Variants in PCNX4 observed in about 807,000 individuals in gnomAD.
PCNX4 encodes the protein pecanex 4, also known as pecanex-like protein 4.
In PCNX4, 103 loss-of-function variants were observed where a neutral mutation model predicts 107.2. The observed-to-expected ratio is 0.96, with a 90% CI of 0.82 to 1.13. PCNX4 has a LOEUF of 1.13. PCNX4 is among the 50% of genes most tolerant of loss of function. PCNX4 has a pLI of 0.00. For synonymous variants in PCNX4, 541 were observed against 481.7 expected (o/e 1.12, Z -1.61); for missense variants, 1,528 against 1,379.4 (o/e 1.11, Z -1.71).
At chr14:60,100,527 G>A (rs1009523676) in intron 1 of PCNX4, among the ~76,000 whole-genome samples, 5 of 152,154 alleles carry the variant, frequency 3.3e-5, no homozygotes, top group African/African-American at 7.2e-5. Context: ...TTGAACTCCC[G>A]ACCTCAGGTG....
rs1371809817 is a variant in PCNX4 at position 60,124,245 on chromosome 14, C to T, written c.2074C>T (p.His692Tyr). ...KGLELQETSC[H>Y]TAEARRVDEV... ...GTTAGAATTGCAGGAAACATCCTGT[C>T]ATACTGCAGAAGCTCGCAGAGTTGA... Residue 692 changes from histidine to tyrosine, a missense_variant, in exon 9 of 11, where the codon CAT becomes TAT. Coordinates refer to ENST00000406854, the MANE Select transcript of PCNX4 (RefSeq NM_001330177.2). 1.9e-6 allele frequency: 3 copies of T among 1,595,784 alleles called. No individual in the cohort carries two copies. Among genetic ancestry groups the T allele is most frequent in the East Asian group, 2.2e-5 (1 of 44,478 alleles).
chr14:60,117,935 T>C (rs931219718), intron 6 of PCNX4, among the ~76,000 whole-genome samples: 3 of 152,224 alleles, frequency 2.0e-5, no homozygotes, highest in African/African-American at 4.8e-5. Flanking sequence ...TGGGTAGTTT[T>C]TAAATTATTC....
At chr14:60,123,454 A>G (rs1438526251) in intron 8 of PCNX4, among the ~76,000 whole-genome samples, 3 of 152,156 alleles carry the variant, frequency 2.0e-5, no homozygotes, top group Non-Finnish European at 4.4e-5. Flanking sequence ...GCTGTGACTG[A>G]AAAACAAGTT....
At chr14:60,106,053 C>T (rs745588055) in intron 1 of PCNX4, among the ~76,000 whole-genome samples, 8 of 152,092 alleles carry the variant, frequency 5.3e-5, no homozygotes, top group Non-Finnish European at 1.0e-4. Context: ...CTGAGCCTGA[C>T]GTCAGTGCAG....
At chr14:60,101,397 A>G (rs1047882479) in intron 1 of PCNX4, among the ~76,000 whole-genome samples, 2 of 152,022 alleles carry the variant, frequency 1.3e-5, no homozygotes, top group African/African-American at 4.8e-5. Flanking sequence ...CAACAATTTC[A>G]TAAAAAGGAA....
intron 2 of PCNX4, 90 bp downstream of exon 2, chr14:60,108,417 T>A: frequency 1.0e-6 from 1 of 975,128 alleles, no homozygotes; most frequent in Non-Finnish European, 1.5e-6. Flanking sequence ...AAAAAATGAA[T>A]CCATGGATTA....
In PCNX4 at chr14:60,124,928, C is replaced by A. The variant is rs1896024885; in HGVS notation, c.2757C>A (p.Ser919Arg). ...LVCLPAEWRT[S>R]CMPSSKMKEM... ...GCTTACCCGCAGAGTGGAGGACTAG[C>A]TGTATGCCCAGTTCCAAAATGAAGG... is the stretch of plus-strand genomic sequence containing the variant. The change falls in exon 9 of 11, where the codon AGC becomes AGA. Residue 919 changes from serine (S) to arginine (R), a missense_variant. Transcript: ENST00000406854. The A allele has an allele frequency of 6.2e-7, 1 of 1,613,850 alleles. No homozygotes were observed. The highest frequency in any genetic ancestry group is 1.1e-5 in the South Asian group (1 of 91,076).
At chr14:60,106,636 C>G (rs1056448343) in intron 1 of PCNX4, among the ~76,000 whole-genome samples, 1 of 152,190 alleles carries the variant, frequency 6.6e-6, no homozygotes, top group African/African-American at 2.4e-5. Flanking sequence ...AAGAGGTGAT[C>G]TAAGGTACTA....
chr14:60,108,297 TTTTC>T lies in PCNX4; in HGVS notation c.663_666del (p.Phe221LeufsTer12). The T allele has an allele frequency of 6.2e-7, 1 of 1,608,486 alleles. No homozygotes were observed. The highest frequency in any genetic ancestry group is 1.1e-5 in the South Asian group (1 of 89,778). ...CCTCTTATGAGACCTCTTTATATTT[TTTTC>T]TTTGTTTCTGTGGATCTGGCACACA... is the stretch of plus-strand genomic sequence containing the variant. On this transcript the variant is annotated frameshift_variant, in exon 2 of 11. Transcript: ENST00000406854. LOFTEE classifies it high-confidence loss of function.
intron 2 of PCNX4, chr14:60,109,168 G>T (rs1895688737): frequency 6.0e-6 from 1 of 167,076 alleles, no homozygotes. Flanking sequence ...CAGCAAAAAT[G>T]TGGCCACCTG....
Position 60,118,386 on chromosome 14 carries a change from AC to A in PCNX4, c.1637del (p.Thr546MetfsTer4). ...QFISKLQFAV[T>X]VLLTSWTEKK... is the part of the protein sequence containing the mutation. The stretch of plus-strand genomic sequence containing the variant: ...CATCTCTAAATTGCAGTTTGCCGTG[AC>A]TGTGCTTTTGACATCATGGACAGAG... On this transcript the variant is annotated frameshift_variant, in exon 7 of 11. Transcript: ENST00000406854. LOFTEE classifies it high-confidence loss of function. 6.2e-7 allele frequency: 1 copy of A among 1,613,474 alleles called. No homozygotes were observed. Among genetic ancestry groups the A allele is most frequent in the Non-Finnish European group, 8.5e-7 (1 of 1,179,660 alleles).
At chr14:60,119,779 T>C (rs1195616572) in intron 7 of PCNX4, among the ~76,000 whole-genome samples, 1 of 152,172 alleles carries the variant, frequency 6.6e-6, no homozygotes, top group Non-Finnish European at 1.5e-5. Flanking sequence ...ATAAAGTATT[T>C]TCTGGTGGGG....
chr14:60,095,690 T>C (rs1334579695), intron 1 of PCNX4, among the ~76,000 whole-genome samples: 1 of 152,088 alleles, frequency 6.6e-6, no homozygotes, highest in Non-Finnish European at 1.5e-5. Flanking sequence ...TTCCTCCCTT[T>C]TTTGAGCTGC....
At chr14:60,099,020 A>G (rs1157933390) in intron 1 of PCNX4, among the ~76,000 whole-genome samples, 2 of 152,114 alleles carry the variant, frequency 1.3e-5, no homozygotes, top group Non-Finnish European at 2.9e-5. Context: ...AAGATTCCAT[A>G]GAGTATTTTC....
chr14:60,131,176 C>G (rs947581987), intron 10 of PCNX4, among the ~76,000 whole-genome samples: 3 of 152,178 alleles, frequency 2.0e-5, no homozygotes, highest in Non-Finnish European at 4.4e-5. Context: ...CTTTAAGTCA[C>G]CTAGTCTATG....
Position 60,116,950 on chromosome 14 carries a change from GAAA to G in PCNX4, c.1578+895_1578+897del, listed in dbSNP as rs1454972235. ...TTTAAAAGTTAAAAATTTTTAAATA[GAAA>G]AAAACTTATAGAATAGGGATATAAA... On this transcript the variant is annotated intron_variant, in intron 6 of 10. Coordinates refer to ENST00000406854, the MANE Select transcript of PCNX4 (RefSeq NM_001330177.2). Among the ~76,000 whole-genome samples the G allele has an allele frequency of 2.0e-5, 3 of 151,862 alleles. 1 individual carries two copies. The highest frequency in any genetic ancestry group is 2.0e-4 in the Admixed American group (3 of 15,242).
At chr14:60,100,129 C>T (rs1282181387) in intron 1 of PCNX4, among the ~76,000 whole-genome samples, 2 of 151,940 alleles carry the variant, frequency 1.3e-5, no homozygotes, top group African/African-American at 2.4e-5. Flanking sequence ...TGTCAAAGAG[C>T]TAATGCCCTT....
rs1896267036 is a variant in PCNX4 at position 60,138,430 on chromosome 14, T to TA, written c.*4211dup. ...AACAAAATTACAACTTAGCACATCCTAAGAAAAAATAAAACACAAAAAGAA... is the reference window on the plus strand; with the variant it reads ...AACAAAATTACAACTTAGCACATCCTAAAGAAAAAATAAAACACAAAAAGAA... On this transcript the variant is annotated 3_prime_UTR_variant, in exon 11 of 11. Transcript: ENST00000406854. The TA allele has an allele frequency of 6.6e-6, 1 of 151,968 alleles. No individual in the cohort carries two copies. The highest frequency in any genetic ancestry group is 2.4e-5 in the African/African-American group (1 of 41,372). The allele number at this position is 151,968 out of a possible 1,614,324, so 9.4% of individuals were successfully genotyped here.
At chr14:60,100,844 G>A in intron 1 of PCNX4, among the ~76,000 whole-genome samples, 1 of 152,172 alleles carries the variant, frequency 6.6e-6, no homozygotes, top group East Asian at 1.9e-4. Context: ...GCCATACCTT[G>A]AAATTGCCCT....
Sources: allele counts gnomAD v4.1 joint callset (sites outside exome capture counted in the v4.1 genomes callset), GRCh38; gene constraint gnomAD v4.1.1; transcripts MANE v1.5; gene names NCBI Gene and HGNC (gene_info 2026-07-23, HGNC 2026-07-21).